The following ABL1 variants were observed in gnomAD, a reference collection of about 807,000 sequenced individuals.
The protein encoded by ABL1 is tyrosine-protein kinase ABL1.
In ABL1, 11 loss-of-function variants were observed where a neutral mutation model predicts 94.7. That is an observed-to-expected ratio of 0.12 (90% CI 0.07 to 0.19). ABL1 has a LOEUF of 0.19. Among genes scored for constraint, ABL1 ranks in the 10% least tolerant of loss-of-function variants. The probability of loss-of-function intolerance (pLI) is 1.00; values close to 1 mark genes in which losing one functional copy is unlikely to be tolerated. For synonymous variants in ABL1, 656 were observed against 622.4 expected, an observed-to-expected ratio of 1.05 and a Z score of -0.80; for missense variants, 1,082 against 1,489.4, an observed-to-expected ratio of 0.73 and a Z score of 4.50.
intron 1 of ABL1, among the ~76,000 whole-genome samples, chr9:130,784,191 T>A (rs993582697): frequency 6.6e-6 from 1 of 152,214 alleles, no homozygotes; most frequent in African/African-American, 2.4e-5. Flanking sequence ...GATTTAGTGA[T>A]ACATAAAATA....
At chr9:130,805,961 C>T (rs114103129) in intron 1 of ABL1, among the ~76,000 whole-genome samples, 4,221 of 152,134 alleles carry the variant, frequency 0.028, 201 homozygotes, top group African/African-American at 0.096. Flanking sequence ...ACATTTTCAG[C>T]GTGGCAACTG....
Position 130,714,154 on chromosome 9 carries a change from C to G in ABL1, c.-166C>G, listed in dbSNP as rs1340756971. 5.1e-6 allele frequency: 3 copies of G among 588,534 alleles called. No homozygotes were observed. The African/African-American group carries it at 5.7e-5, about 11-fold the overall frequency. The allele number at this position is 588,534 out of a possible 1,614,324, so 36.5% of individuals were successfully genotyped here. A position where few individuals can be genotyped will look rare whatever the true frequency, so the allele number is the denominator to read the frequency against. ...TGCAAGTGTCAACCTAAAAAAAGTG[C>G]TTCCTTTTGTTATGGAAGATGTCTT... On this transcript the variant is annotated 5_prime_UTR_variant, in exon 1 of 11. Transcript: ENST00000372348.
intron 1 of ABL1, among the ~76,000 whole-genome samples, chr9:130,733,724 G>T (rs1174045828): frequency 1.3e-5 from 2 of 151,124 alleles, no homozygotes; most frequent in African/African-American, 4.9e-5. Context: ...GACTACAGGC[G>T]CCCGCCACCG....
chr9:130,722,247 G>A (rs1351373527), intron 1 of ABL1, among the ~76,000 whole-genome samples: 3 of 152,214 alleles, frequency 2.0e-5, no homozygotes, highest in South Asian at 4.1e-4. Context: ...ACAAAAATTA[G>A]CAGGGCATGG....
rs1386572705 is a variant in ABL1, at chr9:130,886,848, C to T, written c.*1165C>T. On this transcript the variant is annotated 3_prime_UTR_variant, in exon 11 of 11. Coordinates refer to ENST00000318560, the MANE Select transcript of ABL1 (RefSeq NM_005157.6). ...CACAGGTGGGAGGAAAGGGCCTGGC[C>T]AGTCCTGGTCCTGGCTGCACTCTTG... is the stretch of plus-strand genomic sequence containing the variant. 1 of 233,248 alleles carries T rather than the reference C, an allele frequency of 4.3e-6. No homozygotes were observed. The highest frequency in any genetic ancestry group is 8.5e-6 in the Non-Finnish European group (1 of 117,920). 14.4% of individuals were successfully genotyped at this position (233,248 alleles called of 1,614,324 possible).
rs1256591862 is a variant in ABL1, at chr9:130,735,747, A to G, written c.136+21292A>G. The stretch of plus-strand genomic sequence containing the variant: ...GTGTTTCCAGTCTTTAGATATGATA[A>G]ACAGTGCTTCAGGGGTAACGTTATA... On this transcript the variant is annotated intron_variant, in intron 1 of 10. Transcript: ENST00000372348. Among the ~76,000 whole-genome samples, 3 of 151,382 alleles carry G rather than the reference A, an allele frequency of 2.0e-5. No individual in the cohort carries two copies. The East Asian group carries it at 5.8e-4, about 29-fold the overall frequency.
rs1831091283 is a variant in ABL1, at chr9:130,862,559, G to T, written c.550-204G>T. ...TACAGAGGCCCTGAGGCCTTTTATT[G>T]TGTCTTTTTGCTTGAGCGAGTAACT... On this transcript the variant is annotated intron_variant, in intron 3 of 10. Transcript: ENST00000318560. This position sits in a 1 kb window ranked among gnomAD's most constrained non-coding sequence, Gnocchi z 5.5. 6.6e-6 allele frequency among the ~76,000 whole-genome samples: 1 copy of T among 152,176 alleles called. No individual in the cohort carries two copies. The highest frequency in any genetic ancestry group is 2.1e-4 in the South Asian group (1 of 4,828).
chr9:130,846,887 C>T (rs971142290), intron 1 of ABL1, among the ~76,000 whole-genome samples: 1 of 152,194 alleles, frequency 6.6e-6, no homozygotes, highest in Admixed American at 6.5e-5. Context: ...TTATATAAAA[C>T]GATCTTTCAA....
chr9:130,721,812 G>GTTTT (rs368491783), intron 1 of ABL1, among the ~76,000 whole-genome samples: 3 of 133,236 alleles, frequency 2.3e-5, no homozygotes, highest in Non-Finnish European at 3.3e-5. Context: ...AATTTGTCAG[G>GTTTT]TTTTTTTTTG....
intron 1 of ABL1, among the ~76,000 whole-genome samples, chr9:130,784,254 A>G (rs1829797885): frequency 1.3e-5 from 2 of 152,206 alleles, no homozygotes; most frequent in South Asian, 4.1e-4. Context: ...ATATTCTACG[A>G]ATATACAAAT....
chr9:130,739,410 T>C (rs544771517), intron 1 of ABL1, among the ~76,000 whole-genome samples: 92 of 152,138 alleles, frequency 6.0e-4, no homozygotes, highest in Non-Finnish European at 1.1e-3. Flanking sequence ...GAGATATGGT[T>C]ACAATGGAGA....
intron 1 of ABL1, among the ~76,000 whole-genome samples, chr9:130,754,048 AT>A (rs1442740792): frequency 6.8e-6 from 1 of 147,954 alleles, no homozygotes; most frequent in East Asian, 2.1e-4. Flanking sequence ...CTACTAAAAT[AT>A]AAAAAAAATT....
intron 1 of ABL1, among the ~76,000 whole-genome samples, chr9:130,809,712 A>G (rs1011381242): frequency 2.6e-5 from 4 of 152,158 alleles, no homozygotes; most frequent in South Asian, 2.1e-4. Flanking sequence ...TTTTTGTTCA[A>G]TTCAGGCCTT....
At chr9:130,760,388 T>C (rs1832095743) in intron 1 of ABL1, among the ~76,000 whole-genome samples, 1 of 152,174 alleles carries the variant, frequency 6.6e-6, no homozygotes, top group Non-Finnish European at 1.5e-5. Flanking sequence ...TCATTACTGA[T>C]TGAAACAAGA....
chr9:130,828,341 T>C (rs924086883), intron 1 of ABL1, among the ~76,000 whole-genome samples: 28 of 149,692 alleles, frequency 1.9e-4, no homozygotes, highest in African/African-American at 5.3e-4. Context: ...GGGCTGGGAT[T>C]ATAGGCATGA....
chr9:130,837,708 C>T (rs904658562), intron 1 of ABL1, among the ~76,000 whole-genome samples: 11 of 152,162 alleles, frequency 7.2e-5, no homozygotes, highest in African/African-American at 2.7e-4. Flanking sequence ...AGTTGGTAGA[C>T]TTTAACAAGC....
chr9:130,844,627 C>G (rs1219398502), intron 1 of ABL1, among the ~76,000 whole-genome samples: 1 of 151,994 alleles, frequency 6.6e-6, no homozygotes, highest in Non-Finnish European at 1.5e-5. Flanking sequence ...ATGGTGAAAC[C>G]CCGTCTTTAC....
At chr9:130,843,713 A>G (rs932658503) in intron 1 of ABL1, among the ~76,000 whole-genome samples, 4 of 152,082 alleles carry the variant, frequency 2.6e-5, no homozygotes, top group Admixed American at 2.0e-4. Context: ...GGAGGCCAGG[A>G]AGAGCAGAAG....
At position 130,765,018 on chromosome 9, in the gene ABL1, G is replaced by A. The variant is rs34602822; in HGVS notation, c.136+50563G>A. Among the ~76,000 whole-genome samples, 445 of 151,606 alleles carry A rather than the reference G, an allele frequency of 2.9e-3. 3 individuals carry two copies. The highest frequency in any genetic ancestry group is 0.01 in the African/African-American group (420 of 41,340). On this transcript the variant is annotated intron_variant, in intron 1 of 10. Transcript: ENST00000372348. ...ATTTGTAGTGTGCTGATTAACCAAA[G>A]ACAAGTTCCTCCACCCTTTTCTTTT...
Sources: gnomAD v4.1 joint callset for allele counts (sites outside exome capture counted in the v4.1 genomes callset) on GRCh38, gnomAD v4.1.1 for gene constraint, Gnocchi (gnomAD v3.1) non-coding constraint, MANE v1.5 for transcripts, NCBI Gene and HGNC (gene_info 2026-07-23, HGNC 2026-07-21) for gene names.